The following TENM2 variants were observed in gnomAD, a reference collection of about 807,000 sequenced individuals.
TENM2 encodes teneurin transmembrane protein 2, also known as teneurin-2.
TENM2 carries 52 observed loss-of-function variants against 245.2 expected under a neutral mutation model. That is an observed-to-expected ratio of 0.21 (90% confidence interval 0.17 to 0.27). TENM2 has a LOEUF of 0.27. TENM2 is among the 10% of genes least tolerant of loss of function. The pLI is 1.00. For synonymous variants in TENM2, 1,363 were observed against 1,438.9 expected, an observed-to-expected ratio of 0.95 and a Z score of 1.19; for missense variants, 3,046 against 3,666.8, an observed-to-expected ratio of 0.83 and a Z score of 4.37.
At chr5:167,291,001 GA>G (rs1366794065) in intron 1 of TENM2, among the ~76,000 whole-genome samples, 1 of 152,118 alleles carries the variant, frequency 6.6e-6, no homozygotes, top group Non-Finnish European at 1.5e-5. Flanking sequence ...TTTCATCATT[GA>G]TGCTTACTAC....
Position 168,137,148 on chromosome 5 carries a change from G to A in TENM2, c.2422+10182G>A, listed in dbSNP as rs79603102. ...TTAACCAATGGTCTAGAGACGGAAAGCCCCACATAATTGCTGCCCAGGAGG... is the reference window on the plus strand; with the variant it reads ...TTAACCAATGGTCTAGAGACGGAAAACCCCACATAATTGCTGCCCAGGAGG... On this transcript the variant is annotated intron_variant, in intron 12 of 28. Coordinates refer to ENST00000518659, the Ensembl canonical transcript of TENM2. Among the ~76,000 whole-genome samples the A allele has an allele frequency of 2.4e-3, 364 of 152,306 alleles. 2 individuals are homozygous for A. Among genetic ancestry groups the A allele is most frequent in the African/African-American group, 8.0e-3 (333 of 41,560 alleles).
the TENM2 span, among the ~76,000 whole-genome samples, chr5:167,159,402 A>G: frequency 6.6e-6 from 1 of 152,220 alleles, no homozygotes; most frequent in Non-Finnish European, 1.5e-5. Context: ...CAAGAGATCT[A>G]TTAGACAGCA....
chr5:168,172,671 T>G (rs891003943), intron 13 of TENM2, among the ~76,000 whole-genome samples: 1 of 152,150 alleles, frequency 6.6e-6, no homozygotes, highest in African/African-American at 2.4e-5. Context: ...GAAACACGAA[T>G]TTTGCAGCAT....
At chr5:167,005,162 C>T in the TENM2 span, among the ~76,000 whole-genome samples, 1 of 152,202 alleles carries the variant, frequency 6.6e-6, no homozygotes, top group Admixed American at 6.5e-5. Flanking sequence ...AGTATGGATT[C>T]GAGCGAGGGC....
intron 1 of TENM2, among the ~76,000 whole-genome samples, chr5:167,356,516 A>G (rs974984006): frequency 6.6e-6 from 1 of 152,224 alleles, no homozygotes; most frequent in Non-Finnish European, 1.5e-5. Flanking sequence ...GTTGCTTGCA[A>G]TGACTAAACA....
At chr5:168,062,134 C>G in exon 7 of TENM2, 1 of 1,613,400 alleles carries the variant, frequency 6.2e-7, no homozygotes, top group Non-Finnish European at 8.5e-7. Context: ...ACAAGAAGTC[C>G]CACCAGGGGT....
At chr5:166,998,132 C>T in the TENM2 span, among the ~76,000 whole-genome samples, 3 of 152,006 alleles carry the variant, frequency 2.0e-5, no homozygotes, top group Middle Eastern at 6.8e-3. Flanking sequence ...TCTTTTCAGG[C>T]AAAAGGAACG....
intron 23 of TENM2, among the ~76,000 whole-genome samples, chr5:168,219,532 A>C (rs891548598): frequency 5.3e-5 from 8 of 152,144 alleles, no homozygotes; most frequent in Admixed American, 2.0e-4. Flanking sequence ...TCTCATACTT[A>C]ATAGTCCTGA....
At chr5:167,473,328 T>C (rs180714595) in intron 2 of TENM2, among the ~76,000 whole-genome samples, 49 of 152,312 alleles carry the variant, frequency 3.2e-4, no homozygotes, top group Admixed American at 2.2e-3. Flanking sequence ...GTTTCTTTAC[T>C]GGTTATATAT....
chr5:167,390,346 A>G (rs1032028390), intron 2 of TENM2, among the ~76,000 whole-genome samples: 6 of 152,194 alleles, frequency 3.9e-5, no homozygotes, highest in African/African-American at 1.4e-4. Context: ...AATTTATAAC[A>G]AACCAAGGAT....
intron 2 of TENM2, among the ~76,000 whole-genome samples, chr5:167,376,787 A>T (rs757861887): frequency 6.6e-6 from 1 of 152,192 alleles, no homozygotes; most frequent in East Asian, 1.9e-4. Flanking sequence ...TGCTTATTTA[A>T]TAGGAAATTA....
the TENM2 span, among the ~76,000 whole-genome samples, chr5:167,068,973 C>T: frequency 6.6e-6 from 1 of 152,022 alleles, no homozygotes; most frequent in South Asian, 2.1e-4. Flanking sequence ...GAAATTCATT[C>T]GTTTGAACTC....
intron 1 of TENM2, among the ~76,000 whole-genome samples, chr5:167,315,615 T>C (rs1439961371): frequency 6.6e-6 from 1 of 152,128 alleles, no homozygotes; most frequent in Non-Finnish European, 1.5e-5. Context: ...ATAACAGGTA[T>C]AGTGAGGATG....
At chr5:167,161,096 A>C in the TENM2 span, among the ~76,000 whole-genome samples, 1 of 152,240 alleles carries the variant, frequency 6.6e-6, no homozygotes, top group Non-Finnish European at 1.5e-5. Flanking sequence ...GATATGATGC[A>C]ACTGTTTGAA....
intron 2 of TENM2, among the ~76,000 whole-genome samples, chr5:167,701,585 G>A (rs1758147868): frequency 6.6e-6 from 1 of 152,084 alleles, no homozygotes; most frequent in Non-Finnish European, 1.5e-5. Context: ...ATTTGGGCAG[G>A]TCACTGAAGC....
intron 12 of TENM2, among the ~76,000 whole-genome samples, chr5:168,156,886 A>G (rs1757234683): frequency 6.6e-6 from 1 of 152,152 alleles, no homozygotes; most frequent in Non-Finnish European, 1.5e-5. Flanking sequence ...TCCCTCCCTG[A>G]CAGTTTTACA....
intron 8 of TENM2, among the ~76,000 whole-genome samples, chr5:168,095,765 A>G (rs1793314830): frequency 6.6e-6 from 1 of 152,170 alleles, no homozygotes; most frequent in Admixed American, 6.5e-5. Context: ...CTGAGATCTT[A>G]CCCTAATTGC....
chr5:168,172,194 A>G (rs988406371), intron 13 of TENM2, among the ~76,000 whole-genome samples: 1 of 152,186 alleles, frequency 6.6e-6, no homozygotes, highest in East Asian at 1.9e-4. Context: ...GAAAGCCCCA[A>G]ATCAAAGAAT....
At chr5:167,198,978 G>C in the TENM2 span, among the ~76,000 whole-genome samples, 1 of 151,030 alleles carries the variant, frequency 6.6e-6, no homozygotes, top group Middle Eastern at 3.4e-3. Context: ...TTAAAACAAA[G>C]AGCCAGTTTC....
Sources: allele counts gnomAD v4.1 joint callset (sites outside exome capture counted in the v4.1 genomes callset), GRCh38; gene constraint gnomAD v4.1.1; transcripts MANE v1.5; gene names NCBI Gene and HGNC (gene_info 2026-07-23, HGNC 2026-07-21).